MACF1: variants seen among roughly 807,000 people sequenced by gnomAD.
The protein encoded by MACF1 is microtubule actin crosslinking factor 1, also known as microtubule-actin cross-linking factor 1.
Under a neutral mutation model 854.8 loss-of-function variants are expected in MACF1, and 193 were observed. The ratio of observed to expected loss-of-function variants is 0.23; its 90% CI spans 0.20 to 0.25. MACF1 has a LOEUF of 0.25. Ranked by LOEUF, MACF1 falls within the 10% of genes least tolerant of loss-of-function variation. The probability of loss-of-function intolerance (pLI) is 1.00; values close to 1 mark genes in which losing one functional copy is unlikely to be tolerated. For synonymous variants in MACF1, 3,185 were observed against 3,226.7 expected, an observed-to-expected ratio of 0.99 and a Z score of 0.44; for missense variants, 7,722 against 8,929.1, an observed-to-expected ratio of 0.86 and a Z score of 5.45.
intron 77 of MACF1, 37 bp from the exon 78 acceptor site, chr1:39,442,677 T>C (rs368424834): frequency 1.9e-6 from 3 of 1,611,492 alleles, no homozygotes; most frequent in South Asian, 2.2e-5. Context: ...TTAGATGATA[T>C]CCATAGAGAT....
chr1:39,463,026 T>C (rs941257785), intron 93 of MACF1, among the ~76,000 whole-genome samples: 1 of 152,232 alleles, frequency 6.6e-6, no homozygotes, highest in Non-Finnish European at 1.5e-5. Context: ...TTAGCACTTT[T>C]CTCTGAAGGA....
At chr1:39,189,698 G>T (rs1462639371) in intron 2 of MACF1, among the ~76,000 whole-genome samples, 7 of 151,082 alleles carry the variant, frequency 4.6e-5, no homozygotes, top group Non-Finnish European at 7.4e-5. Context: ...CCTTTTTTTT[G>T]ACTTCCCCAA....
chr1:39,410,823 A>G (rs1642962087), intron 58 of MACF1: 1 of 1,613,884 alleles, frequency 6.2e-7, no homozygotes, highest in Non-Finnish European at 8.5e-7. Flanking sequence ...ACCACAGGGA[A>G]CCTCAGTCAG....
intron 58 of MACF1, chr1:39,414,543 G>T: frequency 6.3e-7 from 1 of 1,594,396 alleles, no homozygotes; most frequent in Non-Finnish European, 8.6e-7. Flanking sequence ...GGCTGACCTG[G>T]TGGTGATGAG....
chr1:39,259,293 G>T (rs569373610), intron 6 of MACF1, among the ~76,000 whole-genome samples: 3 of 150,382 alleles, frequency 2.0e-5, no homozygotes, highest in South Asian at 2.1e-4. Flanking sequence ...CTTTTTTTTT[G>T]ACCGAGTTTT....
chr1:39,117,152 G>T (rs1433753773), intron 2 of MACF1, among the ~76,000 whole-genome samples: 1 of 152,118 alleles, frequency 6.6e-6, no homozygotes, highest in Non-Finnish European at 1.5e-5. Flanking sequence ...CCACCTTTCA[G>T]ATGTGATAGT....
In MACF1 at chr1:39,335,145, C is replaced by T. The variant is rs764967333; in HGVS notation, c.8557C>T (p.Arg2853Cys). 1.1e-5 allele frequency: 18 copies of T among 1,613,912 alleles called. No individual in the cohort carries two copies. The highest frequency in any genetic ancestry group is 1.3e-5 in the Non-Finnish European group (15 of 1,179,982). Reference protein sequence around the residue: ...SLKEFGCKDQRKPRMSSDAKE... With the variant: ...SLKEFGCKDQCKPRMSSDAKE... The stretch of plus-strand genomic sequence containing the variant: ...AAAGGAATTTGGGTGCAAGGATCAA[C>T]GTAAGCCAAGAATGTCTTCAGATGC... Residue 2853 changes from arginine (R) to cysteine (C), a missense_variant, in exon 37 of 101, where the codon CGT becomes TGT. Physicochemically the swap from Arg to Cys is radical, Grantham distance 180. Around this residue, in one of 15 missense-constraint regions of MACF1, gnomAD observed 5 missense variants for 19.1 expected, o/e 0.26. Coordinates refer to ENST00000564288, the MANE Select transcript of MACF1 (RefSeq NM_001394062.1).
intron 2 of MACF1, among the ~76,000 whole-genome samples, chr1:39,187,958 C>T (rs2148243214): frequency 1.1e-5 from 1 of 87,686 alleles, no homozygotes; most frequent in Non-Finnish European, 2.5e-5. Flanking sequence ...CTTCCCTTCC[C>T]TCCCCTCCTC....
chr1:39,341,017 A>G (rs1646924597), intron 40 of MACF1, 64 bp downstream of exon 40: 5 of 1,370,596 alleles, frequency 3.6e-6, no homozygotes, highest in Non-Finnish European at 5.0e-6. Flanking sequence ...TGCTAGGCAA[A>G]CCAATATCCA....
Position 39,409,352 on chromosome 1 carries a change from C to G in MACF1, c.15817-13022C>G, listed in dbSNP as rs573219222. Among the ~76,000 whole-genome samples, 2 of 152,200 alleles carry G rather than the reference C, an allele frequency of 1.3e-5. No individual in the cohort carries two copies. The highest frequency in any genetic ancestry group is 6.5e-5 in the Admixed American group (1 of 15,294). ...CCCACAGCACTCGGGACTCAGCTGC[C>G]GGAGGGACAAACTAACTTCCTGAGC... is the stretch of plus-strand genomic sequence containing the variant. On this transcript the variant is annotated intron_variant, in intron 58 of 100. Transcript: ENST00000564288. This position sits in a 1 kb window ranked among gnomAD's most constrained non-coding sequence, Gnocchi z 4.2.
At chr1:39,398,313 A>T (rs919232554) in intron 58 of MACF1, among the ~76,000 whole-genome samples, 1 of 151,874 alleles carries the variant, frequency 6.6e-6, no homozygotes, top group African/African-American at 2.4e-5. Context: ...TAATTTTTGT[A>T]TTTTTTGTAG....
At chr1:39,357,025 T>TC (rs1383096026) in intron 44 of MACF1, among the ~76,000 whole-genome samples, 1 of 152,222 alleles carries the variant, frequency 6.6e-6, no homozygotes, top group African/African-American at 2.4e-5. Context: ...TGGTGATTTC[T>TC]GAGCAGTTGG....
At chr1:39,209,151 C>T (rs954014453) in intron 1 of MACF1, among the ~76,000 whole-genome samples, 9 of 147,504 alleles carry the variant, frequency 6.1e-5, no homozygotes, top group Non-Finnish European at 1.0e-4. Flanking sequence ...ACTGGGGAGG[C>T]GGAGGTTGCA....
chr1:39,395,174 A>C (rs1421752731), intron 58 of MACF1, among the ~76,000 whole-genome samples: 1 of 152,166 alleles, frequency 6.6e-6, no homozygotes, highest in Non-Finnish European at 1.5e-5. Flanking sequence ...TGTCCTGTGC[A>C]TTGTAGGCTG....
rs2148568148 is a variant in MACF1 at position 39,387,685 on chromosome 1, T to A, written c.14843T>A (p.Met4948Lys). The stretch of plus-strand genomic sequence containing the variant: ...TCCAGTCTCCTAAGATCAAAGGCTA[T>A]GCTGAATGAGGTGGAGAAGCGCCGC... Reference protein sequence around the residue: ...LESSLLRSKAMLNEVEKRRSL... With the variant: ...LESSLLRSKAKLNEVEKRRSL... The change falls in exon 58 of 101, where the codon ATG (methionine) becomes AAG (lysine). Residue 4948 changes from methionine (M) to lysine (K), a missense_variant. By Grantham distance (95) the Met-to-Lys change is moderately conservative. Coordinates refer to ENST00000564288, the MANE Select transcript of MACF1 (RefSeq NM_001394062.1). The A allele has an allele frequency of 1.2e-6, 2 of 1,614,150 alleles. No individual in the cohort carries two copies. Among genetic ancestry groups the A allele is most frequent in the South Asian group, 2.2e-5 (2 of 91,084 alleles).
In MACF1 at chr1:39,447,909, GAAGA is replaced by G. The variant is rs1371791897; in HGVS notation, c.19968+16_19968+19del. ...AAGCGGGCAAAACAAGTAAGTTGGG[GAAGA>G]AAGATACTAATTCACTGAAGAGTCT... On this transcript the variant is annotated intron_variant, in intron 82 of 100. Coordinates refer to ENST00000564288, the MANE Select transcript of MACF1 (RefSeq NM_001394062.1). 6.2e-7 allele frequency: 1 copy of G among 1,613,654 alleles called. No homozygotes were observed. The highest frequency in any genetic ancestry group is 8.5e-7 in the Non-Finnish European group (1 of 1,179,888).
chr1:39,200,571 C>T (rs12093995), upstream of MACF1, among the ~76,000 whole-genome samples: 1,419 of 152,006 alleles, frequency 9.3e-3, 28 homozygotes, highest in African/African-American at 0.033. Flanking sequence ...TGGTGGTGGG[C>T]ACCTGTAATC....
chr1:39,231,319 A>G (rs1304628220), intron 2 of MACF1, 76 bp downstream of exon 2: 1 of 1,332,866 alleles, frequency 7.5e-7, no homozygotes, highest in Non-Finnish European at 1.1e-6. Flanking sequence ...CTTCTTTCAG[A>G]TGGTTTAGAT....
chr1:39,412,766 C>T (rs1643077559), intron 58 of MACF1: 1 of 1,613,018 alleles, frequency 6.2e-7, no homozygotes, highest in Non-Finnish European at 8.5e-7. Context: ...CTCCAGAGAC[C>T]TTCCCGGACT....
Sources: allele counts gnomAD v4.1 joint callset (sites outside exome capture counted in the v4.1 genomes callset), GRCh38; gene constraint gnomAD v4.1.1; regional missense constraint gnomAD v4.1.1; non-coding constraint Gnocchi (gnomAD v3.1); transcripts MANE v1.5; gene names NCBI Gene and HGNC (gene_info 2026-07-23, HGNC 2026-07-21).